FBN3: variants seen among roughly 807,000 people sequenced by gnomAD.
FBN3 encodes fibrillin 3.
In FBN3, 234 loss-of-function variants were observed where a neutral mutation model predicts 330.1. The ratio of observed to expected loss-of-function variants is 0.71; its 90% CI spans 0.64 to 0.79. The LOEUF (loss-of-function observed/expected upper bound fraction) is 0.79, where lower values mean the gene tolerates loss of function less well. Among genes scored for constraint, FBN3 ranks in the 30% least tolerant of loss-of-function variants. The pLI, the probability that FBN3 is intolerant of heterozygous loss-of-function variation, is 0.00. For missense variants in FBN3, 3,606 were observed against 3,886.9 expected (o/e 0.93, Z 1.92); for synonymous variants, 1,458 against 1,517.3 (o/e 0.96, Z 0.91).
intron 56 of FBN3, 122 bp downstream of exon 56, chr19:8,085,240 CA>C: frequency 1.3e-6 from 1 of 782,222 alleles, no homozygotes; most frequent in African/African-American, 1.8e-5. Context: ...CACACACACA[CA>C]CACACACACA....
chr19:8,116,984 A>G (rs1346651210), intron 28 of FBN3, among the ~76,000 whole-genome samples, 185 bp from the exon 29 acceptor site: 1 of 151,506 alleles, frequency 6.6e-6, no homozygotes, highest in Admixed American at 6.6e-5. Flanking sequence ...CTCTGCAAAA[A>G]TCCCAGGGGC....
At position 8,073,268 on chromosome 19, in the gene FBN3, T is replaced by TG. The variant is rs772629418; in HGVS notation, c.7731dup (p.Thr2578HisfsTer23). On this transcript the variant is annotated frameshift_variant, in exon 62 of 64. Transcript: ENST00000600128. LOFTEE classifies it high-confidence loss of function. ...TTGCGACAGGAGGCGCTCCCGCAGG[T>TG]GGGGGGCGACAGGGCACACTCATTC... 3.1e-6 allele frequency: 5 copies of TG among 1,611,706 alleles called. No homozygotes were observed. The highest frequency in any genetic ancestry group is 2.2e-5 in the East Asian group (1 of 44,778).
At chr19:8,120,849 G>T (rs2082830138) in intron 25 of FBN3, among the ~76,000 whole-genome samples, 1 of 152,240 alleles carries the variant, frequency 6.6e-6, no homozygotes. Flanking sequence ...TCCAAGGAAA[G>T]AGGGCTCCCT....
Position 8,081,352 on chromosome 19 carries a change from C to T in FBN3, c.7336+6G>A, listed in dbSNP as rs1274325197. ...TGGGAGTGGGGGAGAGTTGAAAGGA[C>T]ATCACCTTTGCAGGTCCTGCCATCC... On this transcript the variant is annotated splice_donor_region_variant and intron_variant, in intron 58 of 63. Coordinates refer to ENST00000600128, the MANE Select transcript of FBN3 (RefSeq NM_032447.5). 5.6e-6 allele frequency: 9 copies of T among 1,594,986 alleles called. No individual in the cohort carries two copies. The highest frequency in any genetic ancestry group is 1.3e-5 in the African/African-American group (1 of 74,618).
intron 61 of FBN3, among the ~76,000 whole-genome samples, chr19:8,073,954 T>C (rs546356279): frequency 6.6e-6 from 1 of 152,312 alleles, no homozygotes; most frequent in East Asian, 1.9e-4. Flanking sequence ...AAGAGTGAAC[T>C]ACCATGGCGG....
chr19:8,107,210 G>A (rs1238731718), intron 37 of FBN3, among the ~76,000 whole-genome samples: 1 of 150,372 alleles, frequency 6.7e-6, no homozygotes, highest in East Asian at 2.0e-4. Flanking sequence ...ATGGGTAGAT[G>A]GGGGATGGTT....
Position 8,115,530 on chromosome 19 carries a change from C to T in FBN3, c.3823G>A (p.Ala1275Thr), listed in dbSNP as rs766463002. ...CQLGYMVRKGATGCSDVDECE... is the reference protein window; with the variant it reads ...CQLGYMVRKGTTGCSDVDECE... The stretch of plus-strand genomic sequence containing the variant: ...GCCGGCTCACCAGAGCAGCCTGTGG[C>T]CCCCTTCCTGACCATGTAGCCCAGC... Residue 1275 changes from alanine (A) to threonine (T), a missense_variant, in exon 30 of 64, where the codon GCC (alanine) becomes ACC (threonine). Physicochemically the swap from Ala to Thr is moderately conservative, Grantham distance 58. Transcript: ENST00000600128. 6 of 1,613,800 alleles carry T rather than the reference C, an allele frequency of 3.7e-6. No homozygotes were observed. In the African/African-American group the frequency reaches 8.0e-5, roughly 22 times the overall value.
rs2082902191 is a variant in FBN3, at chr19:8,123,453, GT to G, written c.3082+10del. Reference sequence around the variant, plus strand: ...ATCACGCTCTCTCCAAGAGGCAGAGGTGGCACCTACCTGTGCAGTTCCGTTC... The same window carrying G: ...ATCACGCTCTCTCCAAGAGGCAGAGGGGCACCTACCTGTGCAGTTCCGTTC... On this transcript the variant is annotated intron_variant, in intron 24 of 63. Coordinates refer to ENST00000600128, the MANE Select transcript of FBN3 (RefSeq NM_032447.5). 1.2e-6 allele frequency: 2 copies of G among 1,612,858 alleles called. No homozygotes were observed. The highest frequency in any genetic ancestry group is 1.7e-6 in the Non-Finnish European group (2 of 1,179,286).
intron 32 of FBN3, 41 bp downstream of exon 32, chr19:8,111,607 G>T: frequency 7.0e-7 from 1 of 1,423,784 alleles, no homozygotes; most frequent in Non-Finnish European, 9.7e-7. Context: ...CCCCGTGGCT[G>T]TCCCTCTAGG....
Position 8,096,046 on chromosome 19 carries a change from AT to A in FBN3, c.5573del (p.Asn1858MetfsTer21), listed in dbSNP as rs1184994721. 3.7e-6 allele frequency: 6 copies of A among 1,613,990 alleles called. No individual in the cohort carries two copies. Among genetic ancestry groups the A allele is most frequent in the Non-Finnish European group, 5.1e-6 (6 of 1,179,986 alleles). Reference protein sequence around the residue: ...IDECDRQPCGNGTCKNIIGSY... With the variant: ...IDECDRQPCGXGTCKNIIGSY... ...AGCCAATGATGTTCTTGCAGGTCCC[AT>A]TTCCACAAGGCTGCCGGTCACACTC... On this transcript the variant is annotated frameshift_variant, in exon 45 of 64. Transcript: ENST00000600128. LOFTEE classifies it high-confidence loss of function. This position sits in a 1 kb window ranked among gnomAD's most constrained non-coding sequence, Gnocchi z 4.6.
At chr19:8,066,357 G>C in intron 63 of FBN3, 97 bp from the exon 64 acceptor site, 1 of 874,584 alleles carries the variant, frequency 1.1e-6, no homozygotes, top group Non-Finnish European at 1.7e-6. Context: ...GGAGATTCTG[G>C]CCAATCTCTA....
chr19:8,126,202 A>T (rs2082977584), intron 21 of FBN3, 95 bp downstream of exon 21: 1 of 1,458,806 alleles, frequency 6.9e-7, no homozygotes, highest in Non-Finnish European at 9.4e-7. Context: ...AAAAGACTCC[A>T]GGGCGGGGCC....
intron 6 of FBN3, 37 bp from the exon 7 acceptor site, chr19:8,142,174 C>T: frequency 2.0e-6 from 3 of 1,537,408 alleles, no homozygotes; most frequent in Non-Finnish European, 2.6e-6. Flanking sequence ...TGGCTGAGGG[C>T]TGCCCCTGTC....
intron 62 of FBN3, 145 bp downstream of exon 62, chr19:8,072,913 CATGCA>C (rs1261205282): frequency 1.5e-6 from 1 of 670,414 alleles, no homozygotes; most frequent in Non-Finnish European, 2.6e-6. Context: ...CAAATGCCTG[CATGCA>C]CAGGCTGAAG....
chr19:8,135,935 T>TTGGGGGGGGGGGGGCGGGCGCG, intron 13 of FBN3, 26 bp downstream of exon 13: 1 of 1,344,156 alleles, frequency 7.4e-7, no homozygotes, highest in Non-Finnish European at 1.0e-6. Context: ...CGGAAGCCCC[T>TTGGGGGGGGGGGGGCGGGCGCG]GCCCACCCGC....
rs35002391 is a variant in FBN3 at position 8,090,106 on chromosome 19, C to T, written c.6177G>A (p.Glu2059=). Residue 2059 remains glutamate (E), a synonymous_variant, in exon 49 of 64, where the codon GAG becomes GAA. Coordinates refer to ENST00000600128, the MANE Select transcript of FBN3 (RefSeq NM_032447.5). The part of the protein sequence containing the change: ...WGDPCELCPQ[E]GSAAFQELCP... Reference sequence around the variant, plus strand: ...ACAGGGGTGGGCACTCACCGCTGCCCTCCTGGGGACACAGTTCGCAGGGGT... The same window carrying T: ...ACAGGGGTGGGCACTCACCGCTGCCTTCCTGGGGACACAGTTCGCAGGGGT... 533,669 of 1,613,130 alleles carry T rather than the reference C, an allele frequency of 0.33. 92,019 individuals are homozygous for T. Among genetic ancestry groups the T allele is most frequent in the Middle Eastern group, 0.37 (2,219 of 6,056 alleles).
At chr19:8,114,254 A>C (rs1465109149) in intron 30 of FBN3, among the ~76,000 whole-genome samples, 1 of 151,284 alleles carries the variant, frequency 6.6e-6, no homozygotes, top group African/African-American at 2.4e-5. Context: ...AATTAAAAAA[A>C]AGTTTGTTTT....
intron 10 of FBN3, 41 bp from the exon 11 acceptor site, chr19:8,136,572 C>A (rs749510800): frequency 6.2e-7 from 1 of 1,608,320 alleles, no homozygotes; most frequent in Middle Eastern, 1.7e-4. Flanking sequence ...CAGTGGCTGG[C>A]CCCGCCCCAG....
intron 63 of FBN3, among the ~76,000 whole-genome samples, chr19:8,069,161 G>A (rs2081458146): frequency 6.6e-6 from 1 of 152,162 alleles, no homozygotes; most frequent in Non-Finnish European, 1.5e-5. Context: ...GGACCAGACA[G>A]AAGAGCCGCC....
Sources: gnomAD v4.1 joint callset for allele counts (sites outside exome capture counted in the v4.1 genomes callset) on GRCh38, gnomAD v4.1.1 for gene constraint, Gnocchi (gnomAD v3.1) non-coding constraint, MANE v1.5 for transcripts, NCBI Gene and HGNC (gene_info 2026-07-23, HGNC 2026-07-21) for gene names.